Variants in FHIT observed in about 807,000 individuals in gnomAD.
The protein encoded by FHIT is bis(5'-adenosyl)-triphosphatase.
In FHIT, 19 loss-of-function variants were observed where a neutral mutation model predicts 17.9. The ratio of observed to expected loss-of-function variants is 1.06; its 90% confidence interval spans 0.74 to 1.56. FHIT has a LOEUF of 1.56. Ranked by LOEUF, FHIT falls within the 40% of genes most tolerant of loss-of-function variation. The pLI is 0.00. For missense variants in FHIT, 248 were observed against 189.2 expected, an observed-to-expected ratio of 1.31 and a Z score of -1.82; for synonymous variants, 81 against 69.7, an observed-to-expected ratio of 1.16 and a Z score of -0.81.
At chr3:60,885,977 G>A (rs180758170) in intron 3 of FHIT, among the ~76,000 whole-genome samples, 38 of 152,174 alleles carry the variant, frequency 2.5e-4, no homozygotes, top group African/African-American at 8.9e-4. Flanking sequence ...TAAAATAAAA[G>A]CTCAATGAGA....
intron 3 of FHIT, among the ~76,000 whole-genome samples, chr3:60,908,611 C>G (rs782488112): frequency 2.7e-5 from 4 of 149,168 alleles, no homozygotes; most frequent in Non-Finnish European, 5.9e-5. Context: ...CAGACAAAGG[C>G]GGTTGTACTA....
chr3:60,218,182 C>T (rs148490832), intron 5 of FHIT, among the ~76,000 whole-genome samples: 3,950 of 152,106 alleles, frequency 0.026, 70 homozygotes, highest in Middle Eastern at 0.078. Flanking sequence ...TAAAGGGATT[C>T]TGAGATCGAA....
intron 3 of FHIT, among the ~76,000 whole-genome samples, chr3:60,923,516 A>G (rs572922411): frequency 6.6e-6 from 1 of 152,370 alleles, no homozygotes; most frequent in East Asian, 1.9e-4. Context: ...TACCTTATTC[A>G]TTCAATAATT....
intron 4 of FHIT, among the ~76,000 whole-genome samples, chr3:60,658,247 G>T (rs1577036644): frequency 1.3e-5 from 2 of 152,126 alleles, no homozygotes; most frequent in Non-Finnish European, 2.9e-5. Flanking sequence ...TTTCAATCAT[G>T]TTGTAGCATA....
intron 7 of FHIT, among the ~76,000 whole-genome samples, chr3:59,999,179 G>A (rs559544777): frequency 4.6e-5 from 7 of 152,164 alleles, no homozygotes; most frequent in Middle Eastern, 3.4e-3. Flanking sequence ...CTCCCTCCCT[G>A]GGAGAGAGAG....
At position 60,514,287 on chromosome 3, in the gene FHIT, C is replaced by T. The variant is rs549503400; in HGVS notation, c.103+22573G>A. ...AAAAGAGCATTGTAACACACTTGGA[C>T]GCTGCCATGGGGCATGCACAGGGCC... On this transcript the variant is annotated intron_variant, in intron 5 of 9. Coordinates refer to ENST00000492590, the MANE Select transcript of FHIT (RefSeq NM_002012.4). Among the ~76,000 whole-genome samples the T allele has an allele frequency of 1.1e-4, 17 of 152,346 alleles. No individual in the cohort carries two copies. The East Asian group carries it at 2.1e-3, about 19-fold the overall frequency.
At chr3:60,398,238 C>G (rs994194087) in intron 5 of FHIT, among the ~76,000 whole-genome samples, 1 of 152,120 alleles carries the variant, frequency 6.6e-6, no homozygotes, top group Admixed American at 6.6e-5. Context: ...GAATGGGAAG[C>G]TGTGGTTATC....
chr3:59,814,045 T>TACACATACACATACACACACACAC (rs1553685376), intron 8 of FHIT, among the ~76,000 whole-genome samples: 1 of 146,772 alleles, frequency 6.8e-6, no homozygotes, highest in South Asian at 2.2e-4. Context: ...AATTTACACA[T>TACACATACACATACACACACACAC]ACACACACAC....
intron 3 of FHIT, among the ~76,000 whole-genome samples, chr3:60,982,052 G>C (rs1331485720): frequency 6.6e-6 from 1 of 152,178 alleles, no homozygotes; most frequent in African/African-American, 2.4e-5. Flanking sequence ...GCCTCCTAAT[G>C]TCCTGCTTCC....
intron 4 of FHIT, among the ~76,000 whole-genome samples, chr3:60,565,013 G>A (rs1004259864): frequency 1.3e-5 from 2 of 152,028 alleles, no homozygotes; most frequent in East Asian, 1.9e-4. Flanking sequence ...GTAAGAAATC[G>A]CCACAACCAC....
At chr3:59,953,835 C>A (rs374149216) in intron 7 of FHIT, among the ~76,000 whole-genome samples, 1 of 152,194 alleles carries the variant, frequency 6.6e-6, no homozygotes, top group Non-Finnish European at 1.5e-5. Flanking sequence ...TCCTGTACCC[C>A]GAGTGTGTGC....
chr3:60,490,877 A>T (rs967977525), intron 5 of FHIT, among the ~76,000 whole-genome samples: 7 of 152,182 alleles, frequency 4.6e-5, no homozygotes, highest in Non-Finnish European at 1.0e-4. Context: ...GATGTTAAGT[A>T]ACTTGCACAG....
At chr3:59,890,493 G>A (rs1324403588) in intron 8 of FHIT, among the ~76,000 whole-genome samples, 5 of 152,174 alleles carry the variant, frequency 3.3e-5, no homozygotes, top group East Asian at 3.9e-4. Flanking sequence ...GTGCTGCCTC[G>A]GTTCATTTCC....
intron 8 of FHIT, among the ~76,000 whole-genome samples, chr3:59,901,660 G>C (rs1356657416): frequency 1.3e-5 from 2 of 152,164 alleles, no homozygotes; most frequent in South Asian, 4.1e-4. Flanking sequence ...GAAGAAACTA[G>C]AATCTTCTTA....
At chr3:59,791,648 T>C (rs933356273) in intron 8 of FHIT, among the ~76,000 whole-genome samples, 2 of 152,126 alleles carry the variant, frequency 1.3e-5, no homozygotes, top group African/African-American at 2.4e-5. Flanking sequence ...CTCCATGAAA[T>C]GTGGGTGATT....
chr3:59,904,714 TGAG>T (rs1559716564), intron 8 of FHIT, among the ~76,000 whole-genome samples: 1 of 151,888 alleles, frequency 6.6e-6, no homozygotes, highest in Non-Finnish European at 1.5e-5. Context: ...CATTGAAGGG[TGAG>T]GAGGGCAGGG....
At chr3:59,989,478 C>G (rs1709131467) in intron 7 of FHIT, among the ~76,000 whole-genome samples, 1 of 151,992 alleles carries the variant, frequency 6.6e-6, no homozygotes, top group Non-Finnish European at 1.5e-5. Flanking sequence ...CAGAAGTGAC[C>G]ATGGGAAGAC....
chr3:60,356,252 T>A (rs897541029), intron 5 of FHIT, among the ~76,000 whole-genome samples: 13 of 152,186 alleles, frequency 8.5e-5, no homozygotes, highest in South Asian at 8.3e-4. Flanking sequence ...TCTGAAACAG[T>A]TTCCCATGCC....
intron 5 of FHIT, among the ~76,000 whole-genome samples, chr3:60,122,430 C>T (rs1436870480): frequency 6.6e-6 from 1 of 152,022 alleles, no homozygotes; most frequent in African/African-American, 2.4e-5. Flanking sequence ...ATTTGTTTTG[C>T]TAGGAATTCA....
Sources: allele counts gnomAD v4.1 joint callset (sites outside exome capture counted in the v4.1 genomes callset), GRCh38; gene constraint gnomAD v4.1.1; transcripts MANE v1.5; gene names NCBI Gene and HGNC (gene_info 2026-07-23, HGNC 2026-07-21).